Variants in UNC80 observed in about 807,000 individuals in gnomAD.
UNC80 encodes the protein unc-80 subunit of NALCN channel complex, also known as protein unc-80 homolog.
Under a neutral mutation model 384.6 loss-of-function variants are expected in UNC80, and 164 were observed. The ratio of observed to expected loss-of-function variants is 0.43; its 90% CI spans 0.38 to 0.49. UNC80 has a LOEUF of 0.49. Ranked by LOEUF, UNC80 falls within the 20% of genes least tolerant of loss-of-function variation. The pLI is 0.00. For missense variants in UNC80, 3,330 were observed against 4,143.0 expected, an observed-to-expected ratio of 0.80 and a Z score of 5.39; for synonymous variants, 1,486 against 1,527.8, an observed-to-expected ratio of 0.97 and a Z score of 0.64.
chr2:209,879,250 C>T (rs1436048911), intron 24 of UNC80, among the ~76,000 whole-genome samples: 1 of 152,108 alleles, frequency 6.6e-6, no homozygotes, highest in Non-Finnish European at 1.5e-5. Flanking sequence ...GGAAGGCCCA[C>T]CATAAGACCC....
At chr2:209,797,597 G>C (rs542677141) in intron 7 of UNC80, among the ~76,000 whole-genome samples, 1 of 152,084 alleles carries the variant, frequency 6.6e-6, no homozygotes, top group Non-Finnish European at 1.5e-5. Flanking sequence ...GGTTGGTTCC[G>C]TGTCTTTGCT....
intron 22 of UNC80, among the ~76,000 whole-genome samples, chr2:209,866,527 C>CACACACAT (rs774958486): frequency 0.02 from 1,829 of 90,692 alleles, 34 homozygotes; most frequent in African/African-American, 0.067. Context: ...CACACACACA[C>CACACACAT]ACACACAGAG....
intron 7 of UNC80, among the ~76,000 whole-genome samples, chr2:209,810,013 C>T: frequency 6.6e-6 from 1 of 152,198 alleles, no homozygotes; most frequent in Non-Finnish European, 1.5e-5. Context: ...CTCAGGCCAC[C>T]CTCCGCGAGG....
At position 209,904,858 on chromosome 2, in the gene UNC80, G is replaced by A. The variant is rs1458371441; in HGVS notation, c.4675G>A (p.Ala1559Thr). ...CTACCTGCACCACAGCCGCTCCTGT[G>A]CCCGACTGGTCAGAGCCATCAAGCT... ...HCYLHHSRSC[A>T]RLVRAIKLLY... The change falls in exon 29 of 65, where the codon GCC (alanine) becomes ACC (threonine). Residue 1559 changes from alanine (A) to threonine (T), a missense_variant. By Grantham distance (58) the Ala-to-Thr change is moderately conservative. Around this residue, in one of 8 missense-constraint regions of UNC80, gnomAD observed 801 missense variants for 950.8 expected, o/e 0.84. Transcript: ENST00000673920. The A allele has an allele frequency of 6.4e-7, 1 of 1,551,926 alleles. No individual in the cohort carries two copies. Among genetic ancestry groups the A allele is most frequent in the Non-Finnish European group, 8.7e-7 (1 of 1,147,044 alleles).
chr2:209,941,447 C>G lies in UNC80; in HGVS notation c.6873C>G (p.Phe2291Leu). 6.5e-7 allele frequency: 1 copy of G among 1,544,756 alleles called. No individual in the cohort carries two copies. Among genetic ancestry groups the G allele is most frequent in the Non-Finnish European group, 8.8e-7 (1 of 1,141,186 alleles). The change falls in exon 44 of 65, where the codon TTC becomes TTG. Residue 2291 changes from phenylalanine (F) to leucine (L), a missense_variant. Physicochemically the swap from Phe to Leu is conservative, Grantham distance 22 (BLOSUM62 0). Coordinates refer to ENST00000673920, the MANE Select transcript of UNC80 (RefSeq NM_001371986.1). Reference protein sequence around the residue: ...INTAVHFNHLFSLSGYQWILP... With the variant: ...INTAVHFNHLLSLSGYQWILP... ...CCGCGGTGCACTTCAACCACCTCTT[C>G]TCTCTCAGCGGCTACCAGTGGATTC...
intron 22 of UNC80, among the ~76,000 whole-genome samples, chr2:209,863,645 G>A (rs966082846): frequency 2.0e-5 from 3 of 151,688 alleles, no homozygotes; most frequent in African/African-American, 7.3e-5. Flanking sequence ...ATACTTGTGT[G>A]TGCTTCACGA....
rs530161440 is a variant in UNC80 at position 209,975,716 on chromosome 2, A to G, written c.8588-403A>G. On this transcript the variant is annotated intron_variant, in intron 56 of 64. Coordinates refer to ENST00000673920, the MANE Select transcript of UNC80 (RefSeq NM_001371986.1). ...AAAAAGGAAAAGATTTTTAAGATCC[A>G]TGTTTTAGCTAAGAATGTGAGTGAT... Among the ~76,000 whole-genome samples the G allele has an allele frequency of 5.3e-4, 81 of 152,336 alleles. 2 individuals are homozygous for G. The South Asian group carries it at 0.011, about 20-fold the overall frequency.
At chr2:209,985,002 T>C (rs1357267970) in intron 61 of UNC80, 90 bp downstream of exon 61, 3 of 1,154,926 alleles carry the variant, frequency 2.6e-6, no homozygotes, top group Admixed American at 2.6e-5. Context: ...TCTCTGTCTC[T>C]TCTCGCCCCG....
intron 20 of UNC80, 148 bp from the exon 21 acceptor site, chr2:209,842,202 C>T (rs2081815014): frequency 3.4e-6 from 2 of 595,176 alleles, no homozygotes; most frequent in South Asian, 2.6e-5. Flanking sequence ...ACACTGATGA[C>T]CAAACTAACC....
At chr2:209,972,368 T>G in intron 55 of UNC80, 44 bp downstream of exon 55, 1 of 1,542,602 alleles carries the variant, frequency 6.5e-7, no homozygotes, top group Admixed American at 2.0e-5. Flanking sequence ...TGTTGTTGTG[T>G]TCTCTTAAAT....
chr2:209,939,048 G>A lies in UNC80; in HGVS notation c.6466-424G>A, dbSNP rs139193117. Among the ~76,000 whole-genome samples the A allele has an allele frequency of 9.3e-3, 1,419 of 152,154 alleles. 27 individuals carry two copies. The highest frequency in any genetic ancestry group is 0.031 in the African/African-American group (1,302 of 41,518). ...TTTCCTGGATCTCACATCAGTCTTT[G>A]TTTTTTTAAAGACAAACCCGGAACT... On this transcript the variant is annotated intron_variant, in intron 42 of 64. Transcript: ENST00000673920.
rs375841334 is a variant in UNC80 at position 209,996,889 on chromosome 2, T to TGTGC, written c.*1302_*1305dup. 80 of 152,276 alleles carry TGTGC rather than the reference T, an allele frequency of 5.3e-4. 2 individuals are homozygous for TGTGC. Among genetic ancestry groups the TGTGC allele is most frequent in the African/African-American group, 1.9e-3 (79 of 41,558 alleles). The allele number at this position is 152,276 out of a possible 1,614,324, so 9.4% of individuals were successfully genotyped here. On this transcript the variant is annotated 3_prime_UTR_variant, in exon 65 of 65. Transcript: ENST00000673920. ...ACTTAAATTGGTACGGTGGTGTATGTGTGCGTGCGTGTGTGTGTGTATGTG... is the reference window on the plus strand; with the variant it reads ...ACTTAAATTGGTACGGTGGTGTATGTGTGCGTGCGTGCGTGTGTGTGTGTATGTG...
intron 33 of UNC80, among the ~76,000 whole-genome samples, chr2:209,919,523 C>T: frequency 6.6e-6 from 1 of 152,054 alleles, no homozygotes; most frequent in South Asian, 2.1e-4. Flanking sequence ...ATTTTAATTG[C>T]CACTTTGAAT....
intron 14 of UNC80, among the ~76,000 whole-genome samples, chr2:209,828,513 T>TTC (rs1271619358): frequency 2.0e-5 from 3 of 152,136 alleles, no homozygotes; most frequent in Non-Finnish European, 2.9e-5. Flanking sequence ...TCTTTTTTTT[T>TTC]TCTCTCTCAA....
At chr2:209,995,289 A>T (rs2093465515) in intron 64 of UNC80, 40 bp from the exon 65 acceptor site, 1 of 1,546,638 alleles carries the variant, frequency 6.5e-7, no homozygotes, top group Non-Finnish European at 8.7e-7. Context: ...TCTGGTACCC[A>T]TCCTATCTTT....
At chr2:209,935,835 T>C (rs2091205754) in intron 40 of UNC80, 27 bp downstream of exon 40, 3 of 1,440,510 alleles carry the variant, frequency 2.1e-6, no homozygotes, top group Non-Finnish European at 2.8e-6. Flanking sequence ...ACAGAAACAA[T>C]TTTTAAGGAC....
At chr2:209,778,431 A>G (rs1458949166) in intron 4 of UNC80, among the ~76,000 whole-genome samples, 3 of 152,178 alleles carry the variant, frequency 2.0e-5, no homozygotes, top group African/African-American at 7.2e-5. Flanking sequence ...TTAACTTTTT[A>G]TGTTCTATGG....
At chr2:209,970,035 T>G in intron 53 of UNC80, 144 bp downstream of exon 53, 1 of 1,050,898 alleles carries the variant, frequency 9.5e-7, no homozygotes, top group East Asian at 2.6e-5. Context: ...CTGAAAATAG[T>G]GAGGTACATT....
intron 13 of UNC80, 106 bp downstream of exon 13, chr2:209,820,785 G>C (rs928365306): frequency 1.1e-5 from 14 of 1,281,834 alleles, no homozygotes; most frequent in Non-Finnish European, 1.4e-5. Flanking sequence ...CTAGTCACTA[G>C]AGCAAAAAAG....
Sources: gnomAD v4.1 joint callset for allele counts (sites outside exome capture counted in the v4.1 genomes callset) on GRCh38, gnomAD v4.1.1 for gene constraint, gnomAD v4.1.1 regional missense constraint, MANE v1.5 for transcripts, NCBI Gene and HGNC (gene_info 2026-07-23, HGNC 2026-07-21) for gene names.